MICU1: variants seen among roughly 807,000 people sequenced by gnomAD.
MICU1 encodes mitochondrial calcium uptake 1, also known as calcium uptake protein 1, mitochondrial.
Under a neutral mutation model 56.8 loss-of-function variants are expected in MICU1, and 45 were observed. The ratio of observed to expected loss-of-function variants is 0.79; its 90% CI spans 0.62 to 1.02. MICU1 has a LOEUF of 1.02. Ranked by LOEUF, MICU1 falls within the 50% of genes least tolerant of loss-of-function variation. The pLI is 0.00. For synonymous variants in MICU1, 186 were observed against 195.1 expected, an observed-to-expected ratio of 0.95 and a Z score of 0.39; for missense variants, 504 against 587.1, an observed-to-expected ratio of 0.86 and a Z score of 1.46.
intron 6 of MICU1, among the ~76,000 whole-genome samples, chr10:72,485,881 TCACA>T (rs551067437): frequency 1.8e-4 from 26 of 147,654 alleles, no homozygotes; most frequent in African/African-American, 5.5e-4. Flanking sequence ...AAAAGGTCAG[TCACA>T]CACACACACA....
At chr10:72,526,516 G>A (rs1182294421) in intron 5 of MICU1, among the ~76,000 whole-genome samples, 2 of 151,946 alleles carry the variant, frequency 1.3e-5, no homozygotes, top group African/African-American at 2.4e-5. Flanking sequence ...GGCTGGTCTC[G>A]AACTCCTGAC....
intron 1 of MICU1, among the ~76,000 whole-genome samples, chr10:72,588,154 C>T (rs1420899934): frequency 6.6e-6 from 1 of 152,070 alleles, no homozygotes; most frequent in Non-Finnish European, 1.5e-5. Context: ...GTGTGTAGTA[C>T]TTCCCCCTCT....
At chr10:72,369,690 G>GTTT (rs371629187) in intron 11 of MICU1, among the ~76,000 whole-genome samples, 1 of 146,458 alleles carries the variant, frequency 6.8e-6, no homozygotes, top group African/African-American at 2.5e-5. Flanking sequence ...GAGAGCATCT[G>GTTT]TTTTTTTTTT....
At chr10:72,459,919 A>T (rs1269577947) in intron 8 of MICU1, among the ~76,000 whole-genome samples, 1 of 152,138 alleles carries the variant, frequency 6.6e-6, no homozygotes, top group Non-Finnish European at 1.5e-5. Flanking sequence ...ACTCTTTCAT[A>T]CCAATTGCCA....
At chr10:72,517,210 T>C (rs1867674037) in intron 5 of MICU1, among the ~76,000 whole-genome samples, 1 of 152,168 alleles carries the variant, frequency 6.6e-6, no homozygotes. Flanking sequence ...GGCTGCTTCT[T>C]AGCTGGTGTT....
chr10:72,372,913 C>CA (rs773051618), intron 11 of MICU1, among the ~76,000 whole-genome samples: 1,377 of 48,218 alleles, frequency 0.029, 11 homozygotes, highest in Non-Finnish European at 0.033. Context: ...GAGTGAGCCT[C>CA]AAAAAAAAAA....
chr10:72,602,080 G>GAGCCTGGAGTAATTAC (rs921644575), intron 1 of MICU1, among the ~76,000 whole-genome samples: 8 of 151,798 alleles, frequency 5.3e-5, no homozygotes, highest in Non-Finnish European at 1.2e-4. Context: ...TTACAGGCAT[G>GAGCCTGGAGTAATTAC]AGCCACCATG....
At chr10:72,553,476 G>A (rs933763939) in intron 3 of MICU1, among the ~76,000 whole-genome samples, 5 of 151,840 alleles carry the variant, frequency 3.3e-5, no homozygotes, top group African/African-American at 1.2e-4. Context: ...CTCATGATCC[G>A]CCTGCCTTGG....
chr10:72,536,158 TAAC>T (rs1401663506), intron 4 of MICU1, among the ~76,000 whole-genome samples: 1 of 152,014 alleles, frequency 6.6e-6, no homozygotes, highest in African/African-American at 2.4e-5. Context: ...ATTGTAGAGT[TAAC>T]AACAATATTT....
At chr10:72,503,268 A>G (rs1867136554) in intron 6 of MICU1, among the ~76,000 whole-genome samples, 1 of 152,188 alleles carries the variant, frequency 6.6e-6, no homozygotes, top group African/African-American at 2.4e-5. Flanking sequence ...AGCTCAATGA[A>G]CCCAAAGACA....
At chr10:72,507,389 C>T (rs929587421) in intron 6 of MICU1, among the ~76,000 whole-genome samples, 1 of 152,160 alleles carries the variant, frequency 6.6e-6, no homozygotes, top group Admixed American at 6.6e-5. Context: ...AAATCAGAAA[C>T]TCCTCAATGC....
At chr10:72,502,366 G>C (rs886502866) in intron 6 of MICU1, among the ~76,000 whole-genome samples, 3 of 152,020 alleles carry the variant, frequency 2.0e-5, no homozygotes, top group Non-Finnish European at 4.4e-5. Flanking sequence ...ATGTTGGCCA[G>C]GCTGGTCTCG....
intron 6 of MICU1, among the ~76,000 whole-genome samples, chr10:72,507,349 C>T (rs1436010554): frequency 6.6e-6 from 1 of 152,136 alleles, no homozygotes; most frequent in Non-Finnish European, 1.5e-5. Context: ...GAGTAGCATA[C>T]TAATCAACAA....
chr10:72,546,682 T>C (rs1049319752), intron 4 of MICU1, among the ~76,000 whole-genome samples: 3 of 152,170 alleles, frequency 2.0e-5, no homozygotes, highest in East Asian at 1.9e-4. Flanking sequence ...TCCTTCAATA[T>C]CACAAAACAA....
chr10:72,382,693 G>A (rs1257327990), intron 10 of MICU1, among the ~76,000 whole-genome samples: 15 of 152,206 alleles, frequency 9.9e-5, no homozygotes, highest in Middle Eastern at 3.4e-3. Context: ...CAGATCACCC[G>A]AGCTTAGGAA....
At chr10:72,590,402 T>C (rs1378320911) in intron 1 of MICU1, among the ~76,000 whole-genome samples, 1 of 152,078 alleles carries the variant, frequency 6.6e-6, no homozygotes, top group Non-Finnish European at 1.5e-5. Flanking sequence ...CATCAAAATA[T>C]GAAGCAAAAC....
intron 8 of MICU1, among the ~76,000 whole-genome samples, chr10:72,438,628 A>G (rs181185723): frequency 6.6e-5 from 10 of 151,932 alleles, no homozygotes; most frequent in Admixed American, 2.6e-4. Context: ...TTTTGAAAAG[A>G]TCAACAAAAT....
At chr10:72,438,421 C>T (rs1864807341) in intron 8 of MICU1, among the ~76,000 whole-genome samples, 1 of 152,138 alleles carries the variant, frequency 6.6e-6, no homozygotes, top group African/African-American at 2.4e-5. Context: ...AAATTTATAG[C>T]ACTAAATGCC....
chr10:72,536,278 A>G (rs1839632346), intron 4 of MICU1, among the ~76,000 whole-genome samples: 1 of 151,220 alleles, frequency 6.6e-6, no homozygotes, highest in African/African-American at 2.4e-5. Flanking sequence ...AATTATATGT[A>G]TCAAAACAGC....
Sources: allele counts gnomAD v4.1 joint callset (sites outside exome capture counted in the v4.1 genomes callset), GRCh38; gene constraint gnomAD v4.1.1; transcripts MANE v1.5; gene names NCBI Gene and HGNC (gene_info 2026-07-23, HGNC 2026-07-21).